Variants in L3MBTL4 observed in about 807,000 individuals in gnomAD.
L3MBTL4 encodes L3MBTL histone methyl-lysine binding protein 4.
In L3MBTL4, 70 loss-of-function variants were observed where a neutral mutation model predicts 84.5. The observed-to-expected ratio is 0.83, with a 90% CI of 0.68 to 1.01. L3MBTL4 has a LOEUF of 1.01. Among genes scored for constraint, L3MBTL4 ranks in the 50% least tolerant of loss-of-function variants. The pLI is 0.00. For missense variants in L3MBTL4, 715 were observed against 754.8 expected (o/e 0.95, Z 0.62); for synonymous variants, 274 against 259.8 (o/e 1.05, Z -0.52).
chr18:5,972,478 G>A (rs958093317), intron 16 of L3MBTL4, among the ~76,000 whole-genome samples: 6 of 152,124 alleles, frequency 3.9e-5, no homozygotes, highest in African/African-American at 1.2e-4. Flanking sequence ...GGTCCCCAGT[G>A]TGTTGTGAAT....
intron 4 of L3MBTL4, among the ~76,000 whole-genome samples, chr18:6,279,756 T>C (rs1338801832): frequency 6.6e-6 from 1 of 152,194 alleles, no homozygotes; most frequent in African/African-American, 2.4e-5. Flanking sequence ...ACCCTGTAAG[T>C]CATCAGATTA....
intron 1 of L3MBTL4, among the ~76,000 whole-genome samples, chr18:6,376,566 C>G (rs1393360530): frequency 1.4e-4 from 22 of 152,010 alleles, no homozygotes. Context: ...GAGACCCCAT[C>G]TGTACAACAA....
intron 16 of L3MBTL4, among the ~76,000 whole-genome samples, chr18:6,000,210 A>T (rs2054153379): frequency 6.6e-6 from 1 of 152,258 alleles, no homozygotes; most frequent in African/African-American, 2.4e-5. Flanking sequence ...ATCCATAAAA[A>T]TATTGCCACT....
At chr18:6,151,817 T>G (rs2042909878) in intron 13 of L3MBTL4, among the ~76,000 whole-genome samples, 2 of 152,258 alleles carry the variant, frequency 1.3e-5, no homozygotes, top group Non-Finnish European at 2.9e-5. Context: ...CCACCCATGC[T>G]GTACATAATA....
At chr18:6,212,595 T>A (rs1002767365) in intron 12 of L3MBTL4, among the ~76,000 whole-genome samples, 1 of 152,212 alleles carries the variant, frequency 6.6e-6, no homozygotes, top group Non-Finnish European at 1.5e-5. Context: ...GAATAAAGTG[T>A]TTTTAATTTT....
intron 11 of L3MBTL4, among the ~76,000 whole-genome samples, chr18:6,213,782 G>A (rs1248165552): frequency 1.3e-5 from 2 of 152,158 alleles, no homozygotes; most frequent in Non-Finnish European, 2.9e-5. Context: ...ACCTGTGAGA[G>A]AAAAAATAAT....
intron 15 of L3MBTL4, chr18:6,081,294 C>A (rs1322234884): frequency 5.4e-6 from 1 of 184,096 alleles, no homozygotes; most frequent in African/African-American, 2.4e-5. Context: ...ATAATAATTG[C>A]TACTGATGAT....
chr18:6,312,043 C>CTTCAGATATGTTTCAG lies in L3MBTL4; in HGVS notation c.-78_-77insCTGAAACATATCTGAA, dbSNP rs1240660154. 4 of 157,224 alleles carry CTTCAGATATGTTTCAG rather than the reference C, an allele frequency of 2.5e-5. No individual in the cohort carries two copies. Among genetic ancestry groups the CTTCAGATATGTTTCAG allele is most frequent in the Admixed American group, 2.5e-4 (4 of 15,878 alleles). The allele number at this position is 157,224 out of a possible 1,614,324, so 9.7% of individuals were successfully genotyped here. On this transcript the variant is annotated 5_prime_UTR_variant, in exon 2 of 19. An upstream start codon of the reference 5' UTR is lost. Transcript: ENST00000317931. ...GGTAAGAGGTCTTAGTCATACAAGG[C>CTTCAGATATGTTTCAG]ATAGCATAGCAATCTGAAACAGAAA...
In L3MBTL4 at chr18:6,118,207, A is replaced by AC. The variant is rs1204854714; in HGVS notation, c.1199+19986_1199+19987insG. 4.1e-3 allele frequency among the ~76,000 whole-genome samples: 622 copies of AC among 150,088 alleles called. 4 individuals carry two copies. Among genetic ancestry groups the AC allele is most frequent in the African/African-American group, 0.012 (476 of 40,326 alleles). On this transcript the variant is annotated intron_variant, in intron 14 of 18. Coordinates refer to ENST00000317931, the MANE Select transcript of L3MBTL4 (RefSeq NM_001330559.2). ...CTCTCTCTGTCTCTTAAACACACAC[A>AC]AACACACACACACACACACACGAGC... is the stretch of plus-strand genomic sequence containing the variant.
chr18:6,129,366 C>CTGTGTGTGTGTGTGTGTGTGTG (rs761956097), intron 14 of L3MBTL4, among the ~76,000 whole-genome samples: 1 of 139,110 alleles, frequency 7.2e-6, no homozygotes, highest in Non-Finnish European at 1.5e-5. Flanking sequence ...CTGGAATTCT[C>CTGTGTGTGTGTGTGTGTGTGTG]TCTGTGTGTG....
At chr18:6,299,457 G>T (rs1313779065) in intron 4 of L3MBTL4, among the ~76,000 whole-genome samples, 1 of 152,192 alleles carries the variant, frequency 6.6e-6, no homozygotes, top group Non-Finnish European at 1.5e-5. Context: ...TTTAGAACTT[G>T]CTAGATGTGG....
chr18:5,968,825 A>G (rs1429113183), intron 17 of L3MBTL4, among the ~76,000 whole-genome samples: 3 of 152,196 alleles, frequency 2.0e-5, no homozygotes, highest in Admixed American at 1.3e-4. Flanking sequence ...TTCTCATACA[A>G]TGTTGTGACC....
At chr18:6,315,617 T>A (rs964645522) in intron 1 of L3MBTL4, among the ~76,000 whole-genome samples, 1 of 152,218 alleles carries the variant, frequency 6.6e-6, no homozygotes, top group Non-Finnish European at 1.5e-5. Flanking sequence ...GGTCCCTCTT[T>A]GAACACCATA....
intron 16 of L3MBTL4, among the ~76,000 whole-genome samples, chr18:6,045,237 T>C (rs1361844600): frequency 6.6e-6 from 1 of 152,184 alleles, no homozygotes; most frequent in African/African-American, 2.4e-5. Context: ...CTTTCAGCAC[T>C]CTTAAGTAAA....
rs894216776 is a variant in L3MBTL4 at position 6,374,645 on chromosome 18, G to C, written c.-91+40156C>G. Among the ~76,000 whole-genome samples the C allele has an allele frequency of 2.0e-5, 3 of 152,044 alleles. No individual in the cohort carries two copies. The South Asian group carries it at 6.3e-4, about 32-fold the overall frequency. On this transcript the variant is annotated intron_variant, in intron 1 of 18. Coordinates refer to ENST00000317931, the MANE Select transcript of L3MBTL4 (RefSeq NM_001330559.2). ...ACCAGAATGGTAAACTGGAGCCTGC[G>C]TGCTGTTCTCACCACTAAGTGGTAC...
At chr18:6,295,189 T>G (rs1272364369) in intron 4 of L3MBTL4, among the ~76,000 whole-genome samples, 1 of 151,624 alleles carries the variant, frequency 6.6e-6, no homozygotes, top group Non-Finnish European at 1.5e-5. Flanking sequence ...GGAGAATCGT[T>G]TGAACCTGGG....
intron 4 of L3MBTL4, among the ~76,000 whole-genome samples, chr18:6,296,534 G>A (rs2050115471): frequency 1.3e-5 from 2 of 152,172 alleles, no homozygotes; most frequent in Admixed American, 6.5e-5. Context: ...AGATAATGAG[G>A]TTTTGAAGGA....
intron 16 of L3MBTL4, among the ~76,000 whole-genome samples, chr18:6,008,341 A>C (rs1183111398): frequency 1.3e-5 from 2 of 152,184 alleles, no homozygotes; most frequent in East Asian, 3.9e-4. Context: ...AGGAAGGTCG[A>C]TCTGTATCTG....
intron 12 of L3MBTL4, among the ~76,000 whole-genome samples, chr18:6,191,515 A>G (rs2045087380): frequency 6.6e-6 from 1 of 152,158 alleles, no homozygotes; most frequent in Non-Finnish European, 1.5e-5. Flanking sequence ...ACATGTTGAG[A>G]TTGAGATATC....
Sources: gnomAD v4.1 joint callset for allele counts (sites outside exome capture counted in the v4.1 genomes callset) on GRCh38, gnomAD v4.1.1 for gene constraint, MANE v1.5 for transcripts, NCBI Gene and HGNC (gene_info 2026-07-23, HGNC 2026-07-21) for gene names.